The following SLC24A2 variants were observed in gnomAD, a reference collection of about 807,000 sequenced individuals.
SLC24A2 encodes solute carrier family 24 member 2.
In SLC24A2, 36 loss-of-function variants were observed where a neutral mutation model predicts 62.0. The observed-to-expected ratio is 0.58, with a 90% CI of 0.44 to 0.77. The LOEUF is 0.77. SLC24A2 is among the 30% of genes least tolerant of loss of function. The pLI is 0.00. For synonymous variants in SLC24A2, 358 were observed against 294.0 expected, an observed-to-expected ratio of 1.22 and a Z score of -2.23; for missense variants, 846 against 817.9, an observed-to-expected ratio of 1.03 and a Z score of -0.42.
At chr9:20,186,360 C>A in the SLC24A2 span, among the ~76,000 whole-genome samples, 1 of 152,200 alleles carries the variant, frequency 6.6e-6, no homozygotes. Flanking sequence ...ACCATTCTGA[C>A]TGAGATATTC....
the SLC24A2 span, among the ~76,000 whole-genome samples, chr9:20,231,300 A>C: frequency 6.6e-6 from 1 of 152,200 alleles, no homozygotes; most frequent in East Asian, 1.9e-4. Context: ...TGGGGATGGC[A>C]CTGAATCTAT....
intron 2 of SLC24A2, among the ~76,000 whole-genome samples, chr9:19,657,777 G>A (rs908304085): frequency 6.6e-6 from 1 of 151,988 alleles, no homozygotes; most frequent in African/African-American, 2.4e-5. Context: ...TCCAGGACTG[G>A]AGTGCAGTGG....
the SLC24A2 span, among the ~76,000 whole-genome samples, chr9:20,288,077 G>A: frequency 5.3e-5 from 8 of 151,894 alleles, no homozygotes; most frequent in South Asian, 2.1e-4. Context: ...CAGACCATAC[G>A]ATGCATCTAA....
the SLC24A2 span, among the ~76,000 whole-genome samples, chr9:19,924,026 T>A: frequency 6.6e-6 from 1 of 152,162 alleles, no homozygotes; most frequent in Non-Finnish European, 1.5e-5. Flanking sequence ...GAGAGTTGGA[T>A]CATTTCTAAA....
intron 5 of SLC24A2, among the ~76,000 whole-genome samples, chr9:19,588,015 T>C (rs774719781): frequency 6.6e-6 from 1 of 152,188 alleles, no homozygotes; most frequent in African/African-American, 2.4e-5. Context: ...GTTTGGTCTT[T>C]CTAACAGACC....
At chr9:20,035,519 C>T in the SLC24A2 span, among the ~76,000 whole-genome samples, 1 of 152,154 alleles carries the variant, frequency 6.6e-6, no homozygotes, top group African/African-American at 2.4e-5. Context: ...TTTGGGAGGC[C>T]AAGAAAGGAG....
chr9:19,786,171 G>T lies in SLC24A2; in HGVS notation c.696C>A (p.Asn232Lys). 1.9e-6 allele frequency: 3 copies of T among 1,614,140 alleles called. No individual in the cohort carries two copies. The highest frequency in any genetic ancestry group is 2.5e-6 in the Non-Finnish European group (3 of 1,180,030). Residue 232 changes from asparagine to lysine, a missense_variant, in exon 2 of 11, where the codon AAC (asparagine) becomes AAA (lysine). Transcript: ENST00000341998. The surrounding 1 kb of genome is among the most constrained non-coding windows in gnomAD (Gnocchi z 5.0). ...MCALFSREIL[N>K]LTWWPLFRDV... ...CTCGAAAGAGCGGCCACCATGTCAG[G>T]TTTAAGATTTCTCTAGAAAACAGAG... is the stretch of plus-strand genomic sequence containing the variant.
chr9:19,640,654 C>T (rs1406836570), intron 2 of SLC24A2, among the ~76,000 whole-genome samples: 1 of 152,096 alleles, frequency 6.6e-6, no homozygotes, highest in Non-Finnish European at 1.5e-5. Flanking sequence ...CTACAATGAA[C>T]AAAATGTCAA....
At chr9:19,960,908 T>C in the SLC24A2 span, among the ~76,000 whole-genome samples, 812 of 152,208 alleles carry the variant, frequency 5.3e-3, 4 homozygotes, top group African/African-American at 0.018. Context: ...GGCTATATCA[T>C]CTATTCAGCA....
the SLC24A2 span, among the ~76,000 whole-genome samples, chr9:19,907,937 C>T: frequency 1.3e-5 from 2 of 152,098 alleles, no homozygotes; most frequent in Non-Finnish European, 2.9e-5. Context: ...TCAATGCCAT[C>T]CCCATCAAGC....
the SLC24A2 span, among the ~76,000 whole-genome samples, chr9:19,909,478 TA>T: frequency 6.0e-5 from 9 of 150,738 alleles, no homozygotes; most frequent in East Asian, 1.9e-4. Flanking sequence ...ACTTAAAGTA[TA>T]AAAAAAAAGA....
chr9:19,660,085 G>C (rs1819052477), intron 2 of SLC24A2, among the ~76,000 whole-genome samples: 1 of 152,206 alleles, frequency 6.6e-6, no homozygotes. Context: ...ATGCAGGTCT[G>C]AACGTTTTCC....
intron 2 of SLC24A2, among the ~76,000 whole-genome samples, chr9:19,751,131 TG>T (rs1356950562): frequency 6.6e-6 from 1 of 152,186 alleles, no homozygotes; most frequent in Non-Finnish European, 1.5e-5. Context: ...TTATTTGCTT[TG>T]AACCCCTATG....
At chr9:19,907,974 G>GA in the SLC24A2 span, among the ~76,000 whole-genome samples, 3 of 152,060 alleles carry the variant, frequency 2.0e-5, no homozygotes, top group Admixed American at 2.0e-4. Context: ...CACAGAATTG[G>GA]AAAAAACTAC....
the SLC24A2 span, among the ~76,000 whole-genome samples, chr9:20,014,118 A>G: frequency 6.6e-6 from 1 of 152,092 alleles, no homozygotes; most frequent in Non-Finnish European, 1.5e-5. Flanking sequence ...TGAGGCCAGA[A>G]GATCTCTAGA....
intron 2 of SLC24A2, among the ~76,000 whole-genome samples, chr9:19,699,143 C>G (rs1325454823): frequency 6.6e-6 from 1 of 152,106 alleles, no homozygotes; most frequent in Admixed American, 6.5e-5. Context: ...ATTACTGTAA[C>G]AGCTGATTAT....
the SLC24A2 span, among the ~76,000 whole-genome samples, chr9:19,877,578 A>G: frequency 6.6e-6 from 1 of 151,772 alleles, no homozygotes; most frequent in African/African-American, 2.4e-5. Context: ...GGCAGTCAGG[A>G]CAAAGCTGGA....
chr9:19,710,603 G>C (rs1477845965), intron 2 of SLC24A2, among the ~76,000 whole-genome samples: 1 of 152,180 alleles, frequency 6.6e-6, no homozygotes, highest in Non-Finnish European at 1.5e-5. Flanking sequence ...TATGAGTCTG[G>C]GGAGGAAGGT....
At chr9:19,893,618 AAT>A in the SLC24A2 span, among the ~76,000 whole-genome samples, 53 of 152,218 alleles carry the variant, frequency 3.5e-4, no homozygotes, top group Non-Finnish European at 8.8e-5. Context: ...CAATTATAAA[AAT>A]ATATGTTATT....
Sources: allele counts gnomAD v4.1 joint callset (sites outside exome capture counted in the v4.1 genomes callset), GRCh38; gene constraint gnomAD v4.1.1; non-coding constraint Gnocchi (gnomAD v3.1); transcripts MANE v1.5; gene names NCBI Gene and HGNC (gene_info 2026-07-23, HGNC 2026-07-21).